BSN: variants seen among roughly 807,000 people sequenced by gnomAD.
BSN encodes protein bassoon.
A neutral mutation model predicts 264.8 loss-of-function variants in BSN; 57 were observed. That is an observed-to-expected ratio of 0.22 (90% CI 0.17 to 0.27). BSN has a LOEUF of 0.27. Among genes scored for constraint, BSN ranks in the 10% least tolerant of loss-of-function variants. BSN has a pLI of 1.00. For missense variants in BSN, 4,615 were observed against 5,232.5 expected (o/e 0.88, Z 3.64); for synonymous variants, 2,059 against 2,137.3 (o/e 0.96, Z 1.01).
In BSN at chr3:49,655,991, A is replaced by G. The variant is rs910782981; in HGVS notation, c.6435A>G (p.Arg2145=). 3.2e-5 allele frequency: 51 copies of G among 1,605,598 alleles called. No individual in the cohort carries two copies. Among genetic ancestry groups the G allele is most frequent in the Non-Finnish European group, 4.2e-5 (49 of 1,176,460 alleles). ...CTCCACAGAGTCTGGTTCCCCTCAG[A>G]CCTGGACTCCTTGGTAACCCCACCT... ...LSAPQSLVPL[R]PGLLGNPTFP... The change falls in exon 5 of 12, where the codon AGA becomes AGG. Residue 2145 remains arginine, a synonymous_variant. Coordinates refer to ENST00000296452, the MANE Select transcript of BSN (RefSeq NM_003458.4).
chr3:49,560,149 CTCACATTTGGGGGCTTAATAAA>C (rs1305980447), intron 1 of BSN, among the ~76,000 whole-genome samples: 2 of 152,132 alleles, frequency 1.3e-5, no homozygotes, highest in Admixed American at 1.3e-4. Flanking sequence ...AAGCCTCCTA[CTCACATTTGGGGGCTTAATAAA>C]TCTTTCCCCT....
At chr3:49,633,359 T>C (rs2052396218) in intron 2 of BSN, among the ~76,000 whole-genome samples, 1 of 151,072 alleles carries the variant, frequency 6.6e-6, no homozygotes. Flanking sequence ...ATTAGAGAAA[T>C]TCAAATTGAA....
chr3:49,610,595 A>AAC (rs1553662609), intron 1 of BSN, among the ~76,000 whole-genome samples: 18 of 151,418 alleles, frequency 1.2e-4, no homozygotes, highest in African/African-American at 4.1e-4. Flanking sequence ...AAAAAAAAAA[A>AAC]AAAAAAAAAA....
At chr3:49,596,094 A>G (rs1211150105) in intron 1 of BSN, among the ~76,000 whole-genome samples, 1 of 152,132 alleles carries the variant, frequency 6.6e-6, no homozygotes, top group Non-Finnish European at 1.5e-5. Context: ...GAAAGCATTC[A>G]GTTTTTCACC....
intron 1 of BSN, among the ~76,000 whole-genome samples, chr3:49,577,356 C>T (rs1026072574): frequency 6.6e-6 from 1 of 152,078 alleles, no homozygotes; most frequent in Non-Finnish European, 1.5e-5. Context: ...TGGCAAACAG[C>T]TAGGAGACAT....
rs1408224064 is a variant in BSN at position 49,660,434 on chromosome 3, C to A, written c.8641-52C>A. 2.6e-6 allele frequency: 4 copies of A among 1,512,876 alleles called. No individual in the cohort carries two copies. The African/African-American group carries it at 5.6e-5, about 21-fold the overall frequency. The allele number at this position is 1,512,876 out of a possible 1,614,324, so 93.7% of individuals were successfully genotyped here. On this transcript the variant is annotated intron_variant, in intron 5 of 11. Coordinates refer to ENST00000296452, the MANE Select transcript of BSN (RefSeq NM_003458.4). This position sits in a 1 kb window ranked among gnomAD's most constrained non-coding sequence, Gnocchi z 7.1. The stretch of plus-strand genomic sequence containing the variant: ...TGGGTTCTGCCACCCCACACCCCAT[C>A]AAGTCACCACACCTTGGGTCTCAGT...
intron 1 of BSN, among the ~76,000 whole-genome samples, chr3:49,575,411 AATAT>A (rs967969133): frequency 6.8e-6 from 1 of 147,102 alleles, no homozygotes; most frequent in Non-Finnish European, 1.5e-5. Context: ...TATATATGTA[AATAT>A]ATATATGTGT....
intron 2 of BSN, among the ~76,000 whole-genome samples, chr3:49,635,293 G>T (rs537837762): frequency 7.9e-5 from 12 of 152,110 alleles, no homozygotes; most frequent in Non-Finnish European, 1.3e-4. Context: ...GCACTGAGAA[G>T]AACCCAGCAA....
rs1221119776 is a variant in BSN at position 49,664,462 on chromosome 3, C to T, written c.11648C>T (p.Ala3883Val). 3.1e-6 allele frequency: 5 copies of T among 1,613,628 alleles called. No homozygotes were observed. The South Asian group carries it at 5.5e-5, about 18-fold the overall frequency. The stretch of plus-strand genomic sequence containing the variant: ...GCCAGGCCTGGAGGAACCCCAGGGG[C>T]TCCCGCCGGCCAGCCAGGTGCCGAT... The part of the protein sequence containing the change: ...AGARPGGTPG[A>V]PAGQPGADGE... Residue 3883 changes from alanine to valine, a missense_variant, in exon 9 of 12, where the codon GCT becomes GTT. Around this residue, in one of 3 missense-constraint regions of BSN, gnomAD observed 3,415 missense variants for 3,866.4 expected, o/e 0.88. Transcript: ENST00000296452.
chr3:49,602,209 C>T (rs536263980), intron 1 of BSN, among the ~76,000 whole-genome samples: 162 of 152,312 alleles, frequency 1.1e-3, no homozygotes, highest in Non-Finnish European at 1.4e-3. Context: ...AGGGTGATTT[C>T]CTCAGGTCCT....
intron 1 of BSN, among the ~76,000 whole-genome samples, chr3:49,590,814 G>A (rs1047562619): frequency 6.6e-5 from 10 of 151,758 alleles, no homozygotes; most frequent in Non-Finnish European, 1.5e-4. Context: ...CTTTTTAAGA[G>A]GGTGAGAGAG....
chr3:49,613,303 C>CGAGAGCGAGAGAGAGA (rs2052223682), intron 1 of BSN, among the ~76,000 whole-genome samples: 1 of 47,332 alleles, frequency 2.1e-5, no homozygotes, highest in Non-Finnish European at 4.0e-5. Context: ...ACACACAGAG[C>CGAGAGCGAGAGAGAGA]GAGAGAGAGA....
Position 49,642,197 on chromosome 3 carries a change from C to A in BSN, c.634-71C>A. The A allele has an allele frequency of 1.6e-6, 2 of 1,283,432 alleles. No homozygotes were observed. The highest frequency in any genetic ancestry group is 1.6e-5 in the South Asian group (1 of 60,850). 79.5% of individuals were successfully genotyped at this position (1,283,432 alleles called of 1,614,324 possible). ...AGGAGTGGCCTTGGCTGCTGTGGGGCCTGCACTGACCTGGGCCATGAGTAC... is the reference window on the plus strand; with the variant it reads ...AGGAGTGGCCTTGGCTGCTGTGGGGACTGCACTGACCTGGGCCATGAGTAC... On this transcript the variant is annotated intron_variant, in intron 2 of 11. Coordinates refer to ENST00000296452, the MANE Select transcript of BSN (RefSeq NM_003458.4). This position sits in a 1 kb window ranked among gnomAD's most constrained non-coding sequence, Gnocchi z 7.0.
Position 49,654,836 on chromosome 3 carries a change from C to T in BSN, c.5280C>T (p.Asp1760=), listed in dbSNP as rs933496403. Residue 1760 remains aspartate, a synonymous_variant, in exon 5 of 12, where the codon GAC becomes GAT. Transcript: ENST00000296452. This position sits in a 1 kb window ranked among gnomAD's most constrained non-coding sequence, Gnocchi z 4.1. The part of the protein sequence containing the change: ...VYGDPYQSRL[D]FGQGGGSPVC... ...GAGACCCCTACCAGAGCCGCCTTGA[C>T]TTTGGCCAGGGTGGGGGTAGCCCTG... is the stretch of plus-strand genomic sequence containing the variant. The T allele has an allele frequency of 2.0e-5, 32 of 1,613,416 alleles. No homozygotes were observed. Among genetic ancestry groups the T allele is most frequent in the African/African-American group, 6.7e-5 (5 of 74,936 alleles).
rs945974617 is a variant in BSN at position 49,581,140 on chromosome 3, C to T, written c.224+26314C>T. The stretch of plus-strand genomic sequence containing the variant: ...GGGCCTACAGAAGTGTGCCACCATG[C>T]CAGGCTAATTTTTGTATTTTTAGTA... On this transcript the variant is annotated intron_variant, in intron 1 of 11. Coordinates refer to ENST00000296452, the MANE Select transcript of BSN (RefSeq NM_003458.4). 2.0e-5 allele frequency among the ~76,000 whole-genome samples: 3 copies of T among 152,110 alleles called. No homozygotes were observed. In the South Asian group the frequency reaches 6.2e-4, roughly 32 times the overall value.
At chr3:49,556,360 G>A (rs1359528605) in intron 1 of BSN, among the ~76,000 whole-genome samples, 2 of 152,184 alleles carry the variant, frequency 1.3e-5, no homozygotes, top group Admixed American at 6.5e-5. Flanking sequence ...CAGAGGGACC[G>A]GAAGGAGGCT....
rs369804511 is a variant in BSN, at chr3:49,643,148, T to C, written c.1514T>C (p.Val505Ala). ...GGCTTCAACCCAACACCCCACCTGG[T>C]GGAGGTAAGAGCTGGACCAAGCATG... ...LCGFNPTPHL[V>A]EKTEWLCLNC... Residue 505 changes from valine (V) to alanine (A), a missense_variant, in exon 3 of 12, where the codon GTG becomes GCG. Physicochemically the swap from Val to Ala is moderately conservative, Grantham distance 64. Around this residue, in one of 3 missense-constraint regions of BSN, gnomAD observed 1,197 missense variants for 1,348.0 expected, o/e 0.89. Transcript: ENST00000296452. The C allele has an allele frequency of 2.1e-4, 332 of 1,606,960 alleles. 6 individuals are homozygous for C. In the South Asian group the frequency reaches 2.8e-3, roughly 14 times the overall value.
chr3:49,641,288 T>C (rs1307395029), intron 2 of BSN, among the ~76,000 whole-genome samples: 2 of 152,228 alleles, frequency 1.3e-5, no homozygotes, highest in Admixed American at 6.5e-5. Context: ...ACATCATTCT[T>C]AGCATCTCTC....
In BSN at chr3:49,661,686, C is replaced by CCCTGCTG; in HGVS notation, c.9843_9849dup (p.Tyr3284LeufsTer11). On this transcript the variant is annotated frameshift_variant, in exon 6 of 12. Transcript: ENST00000296452. LOFTEE classifies it high-confidence loss of function. Reference sequence around the variant, plus strand: ...AGGTGTCCTTGACGGGCCCACACTGCCCTGCTGCTATGCCAGAGGAGAAGA... The same window carrying CCCTGCTG: ...AGGTGTCCTTGACGGGCCCACACTGCCCTGCTGCCTGCTGCTATGCCAGAGGAGAAGA... The CCCTGCTG allele has an allele frequency of 6.2e-7, 1 of 1,613,750 alleles. No individual in the cohort carries two copies. The highest frequency in any genetic ancestry group is 8.5e-7 in the Non-Finnish European group (1 of 1,180,040).
Sources: allele counts gnomAD v4.1 joint callset (sites outside exome capture counted in the v4.1 genomes callset), GRCh38; gene constraint gnomAD v4.1.1; regional missense constraint gnomAD v4.1.1; non-coding constraint Gnocchi (gnomAD v3.1); transcripts MANE v1.5; gene names NCBI Gene and HGNC (gene_info 2026-07-23, HGNC 2026-07-21).